The following GALNT13 variants were observed in gnomAD, a reference collection of about 807,000 sequenced individuals.
The protein encoded by GALNT13 is polypeptide N-acetylgalactosaminyltransferase 13.
In GALNT13, 28 loss-of-function variants were observed where a neutral mutation model predicts 64.2. The ratio of observed to expected loss-of-function variants is 0.44; its 90% CI spans 0.32 to 0.60. The LOEUF (loss-of-function observed/expected upper bound fraction) is 0.60, where lower values mean the gene tolerates loss of function less well. Among genes scored for constraint, GALNT13 ranks in the 20% least tolerant of loss-of-function variants. The pLI is 0.05. For synonymous variants in GALNT13, 214 were observed against 224.6 expected (o/e 0.95, Z 0.42); for missense variants, 577 against 669.8 (o/e 0.86, Z 1.53).
At chr2:153,595,477 A>G in the GALNT13 span, among the ~76,000 whole-genome samples, 17 of 152,000 alleles carry the variant, frequency 1.1e-4, no homozygotes, top group Non-Finnish European at 8.8e-5. Context: ...AATTATTTCA[A>G]TATAAGGAAG....
the GALNT13 span, among the ~76,000 whole-genome samples, chr2:153,780,319 C>A: frequency 1.3e-5 from 2 of 149,326 alleles, no homozygotes; most frequent in Non-Finnish European, 3.0e-5. Context: ...TCCTCCTAAG[C>A]CTCCGTTTAA....
chr2:153,558,515 C>T, the GALNT13 span, among the ~76,000 whole-genome samples: 1 of 151,974 alleles, frequency 6.6e-6, no homozygotes, highest in African/African-American at 2.4e-5. Context: ...TGGTTTATAA[C>T]AGTGGTTTGT....
At chr2:154,425,062 G>A (rs928974018) in intron 11 of GALNT13, among the ~76,000 whole-genome samples, 1 of 152,144 alleles carries the variant, frequency 6.6e-6, no homozygotes. Context: ...TACAGATAGA[G>A]AGTTGTAAAC....
the GALNT13 span, among the ~76,000 whole-genome samples, chr2:153,328,922 A>G: frequency 6.6e-6 from 1 of 151,996 alleles, no homozygotes; most frequent in Non-Finnish European, 1.5e-5. Context: ...CTTGAAAACC[A>G]GGGCTCTGTT....
chr2:153,729,720 T>C, the GALNT13 span, among the ~76,000 whole-genome samples: 8 of 151,968 alleles, frequency 5.3e-5, no homozygotes, highest in African/African-American at 1.7e-4. Context: ...ATCTTATACC[T>C]AAAAAATCCT....
the GALNT13 span, among the ~76,000 whole-genome samples, chr2:153,204,856 C>T: frequency 6.9e-3 from 1,043 of 152,088 alleles, 15 homozygotes; most frequent in African/African-American, 0.024. Flanking sequence ...AAGGTATTCT[C>T]TATTGAAGAA....
chr2:153,703,415 A>G, the GALNT13 span, among the ~76,000 whole-genome samples: 1 of 152,006 alleles, frequency 6.6e-6, no homozygotes, highest in African/African-American at 2.4e-5. Context: ...CCATTTCTAG[A>G]TAATATAAAC....
At chr2:154,138,718 T>A (rs1458017937) in intron 3 of GALNT13, among the ~76,000 whole-genome samples, 9 of 151,932 alleles carry the variant, frequency 5.9e-5, no homozygotes. Flanking sequence ...ACTAAAAAAT[T>A]TTTTTAATCT....
intron 3 of GALNT13, among the ~76,000 whole-genome samples, chr2:154,000,688 A>C (rs1695848607): frequency 6.6e-6 from 1 of 152,036 alleles, no homozygotes; most frequent in African/African-American, 2.4e-5. Context: ...AAAATTGTTA[A>C]GACTTGTTCT....
intron 4 of GALNT13, among the ~76,000 whole-genome samples, chr2:154,217,111 C>T (rs540532331): frequency 6.6e-6 from 1 of 152,006 alleles, no homozygotes; most frequent in Admixed American, 6.6e-5. Context: ...TTTTATTAAA[C>T]TACTCAAGTT....
chr2:154,067,495 A>G (rs2105381057), intron 3 of GALNT13, among the ~76,000 whole-genome samples: 1 of 151,996 alleles, frequency 6.6e-6, no homozygotes, highest in East Asian at 1.9e-4. Context: ...CTATACTTAC[A>G]TCAGACAAAG....
At chr2:154,023,135 G>C (rs546134506) in intron 3 of GALNT13, among the ~76,000 whole-genome samples, 1 of 152,302 alleles carries the variant, frequency 6.6e-6, no homozygotes, top group Admixed American at 6.5e-5. Context: ...TTTGGAGTAG[G>C]TGTTGTGTAG....
chr2:153,310,309 C>T, the GALNT13 span, among the ~76,000 whole-genome samples: 1 of 152,062 alleles, frequency 6.6e-6, no homozygotes, highest in East Asian at 1.9e-4. Context: ...GTTGAACCAA[C>T]CATGCATATA....
At chr2:153,640,608 A>T in the GALNT13 span, among the ~76,000 whole-genome samples, 2 of 151,868 alleles carry the variant, frequency 1.3e-5, no homozygotes, top group Admixed American at 6.6e-5. Flanking sequence ...ATGAGACCTA[A>T]TTTTTTTCTA....
chr2:154,387,597 T>G (rs1698576660), intron 9 of GALNT13, among the ~76,000 whole-genome samples: 1 of 152,146 alleles, frequency 6.6e-6, no homozygotes, highest in Non-Finnish European at 1.5e-5. Context: ...GCCTGTAGCC[T>G]GTGGTAACCA....
At chr2:154,422,526 T>C (rs1404625797) in intron 11 of GALNT13, among the ~76,000 whole-genome samples, 1 of 152,176 alleles carries the variant, frequency 6.6e-6, no homozygotes, top group Non-Finnish European at 1.5e-5. Flanking sequence ...CAATTTCGAA[T>C]AGAAAATCTT....
the GALNT13 span, among the ~76,000 whole-genome samples, chr2:153,692,245 G>A: frequency 2.0e-5 from 3 of 152,072 alleles, no homozygotes; most frequent in Non-Finnish European, 2.9e-5. Context: ...TCGTAAAGGG[G>A]GTTTCTGAGA....
chr2:153,111,184 A>G, the GALNT13 span, among the ~76,000 whole-genome samples: 3 of 152,164 alleles, frequency 2.0e-5, no homozygotes, highest in African/African-American at 4.8e-5. Context: ...AAAAGGATCT[A>G]TCTTTTAGGA....
intron 3 of GALNT13, among the ~76,000 whole-genome samples, chr2:154,003,028 A>C (rs2105225878): frequency 6.6e-6 from 1 of 152,292 alleles, no homozygotes; most frequent in African/African-American, 2.4e-5. Flanking sequence ...ACAAATACTT[A>C]GGCTTTGTGA....
Sources: allele counts gnomAD v4.1 joint callset (sites outside exome capture counted in the v4.1 genomes callset), GRCh38; gene constraint gnomAD v4.1.1; transcripts MANE v1.5; gene names NCBI Gene and HGNC (gene_info 2026-07-23, HGNC 2026-07-21).